CHD3: variants seen among roughly 807,000 people sequenced by gnomAD.
CHD3 encodes ATP-dependent chromatin remodeler CHD3.
A neutral mutation model predicts 248.9 loss-of-function variants in CHD3; 52 were observed. The observed-to-expected ratio is 0.21, with a 90% CI of 0.17 to 0.26. The LOEUF (loss-of-function observed/expected upper bound fraction) is 0.26, where lower values mean the gene tolerates loss of function less well. Among genes scored for constraint, CHD3 ranks in the 10% least tolerant of loss-of-function variants. The pLI is 1.00. For missense variants in CHD3, 1,482 were observed against 2,605.8 expected (o/e 0.57, Z 9.39); for synonymous variants, 985 against 985.2 (o/e 1.00, Z 0.00).
chr17:7,892,536 C>T (rs1298716446), intron 4 of CHD3, among the ~76,000 whole-genome samples: 3 of 131,088 alleles, frequency 2.3e-5, no homozygotes, highest in Non-Finnish European at 3.1e-5. Flanking sequence ...CTCACTCTGT[C>T]GCCAGGCTGG....
Position 7,905,951 on chromosome 17 carries a change from G to A in CHD3, c.4320G>A (p.Leu1440=). 1 of 1,614,178 alleles carries A rather than the reference G, an allele frequency of 6.2e-7. No homozygotes were observed. Among genetic ancestry groups the A allele is most frequent in the Non-Finnish European group, 8.5e-7 (1 of 1,180,026 alleles). The part of the protein sequence containing the change: ...PPQDAFTTQW[L]VRDLRGKTEK... The stretch of plus-strand genomic sequence containing the variant: ...AGGATGCCTTCACCACACAGTGGCT[G>A]GTGCGGGACCTGAGGGGCAAGACTG... The change falls in exon 28 of 40, where the codon CTG becomes CTA. Residue 1440 remains leucine, a synonymous_variant. Coordinates refer to ENST00000330494, the MANE Select transcript of CHD3 (RefSeq NM_001005273.3). The surrounding 1 kb of genome is among the most constrained non-coding windows in gnomAD (Gnocchi z 5.8).
At chr17:7,891,112 G>T in intron 4 of CHD3, 48 bp downstream of exon 4, 1 of 1,604,494 alleles carries the variant, frequency 6.2e-7, no homozygotes, top group Non-Finnish European at 8.5e-7. Flanking sequence ...TTTAATTTGA[G>T]GGAGGTCCTG....
Position 7,894,133 on chromosome 17 carries a change from G to A in CHD3, c.943G>A (p.Glu315Lys), listed in dbSNP as rs759396604. 5.6e-6 allele frequency: 9 copies of A among 1,612,624 alleles called. No homozygotes were observed. The highest frequency in any genetic ancestry group is 5.5e-5 in the South Asian group (5 of 91,000). ...TGGGCAGTATGTTTTTCAGAGCGAC[G>A]AAGGTCCTGAACCAGAGGCTGAGGA... ...KGGSYVFQSD[E>K]GPEPEAEESD... is the part of the protein sequence containing the mutation. The change falls in exon 7 of 40, where the codon GAA becomes AAA. Residue 315 changes from glutamate to lysine, a missense_variant. Glu to Lys is a moderately conservative substitution (Grantham distance 56). This residue lies in a region of CHD3 where 149 missense variants were observed against 182.6 expected (regional missense o/e 0.82). Coordinates refer to ENST00000330494, the MANE Select transcript of CHD3 (RefSeq NM_001005273.3).
Position 7,897,098 on chromosome 17 carries a change from T to G in CHD3, c.1723T>G (p.Leu575Val). 1 of 1,614,154 alleles carries G rather than the reference T, an allele frequency of 6.2e-7. No homozygotes were observed. Among genetic ancestry groups the G allele is most frequent in the Non-Finnish European group, 8.5e-7 (1 of 1,179,992 alleles). ...AKELQLEIFH[L>V]VMYRNYQRKN... Reference sequence around the variant, plus strand: ...GCCCTGCTAGCTGGAAATCTTCCATTTGGTTATGTATCGAAACTACCAGCG... The same window carrying G: ...GCCCTGCTAGCTGGAAATCTTCCATGTGGTTATGTATCGAAACTACCAGCG... The change falls in exon 11 of 40, where the codon TTG becomes GTG. Residue 575 changes from leucine to valine, a missense_variant. Transcript: ENST00000330494. The surrounding 1 kb of genome is among the most constrained non-coding windows in gnomAD (Gnocchi z 4.8).
At position 7,905,229 on chromosome 17, in the gene CHD3, C is replaced by A; in HGVS notation, c.4138+64C>A. The stretch of plus-strand genomic sequence containing the variant: ...GTTTTATTTTCCAGTTTGCTTTAAG[C>A]CCACTGTTTTTATACAAGTAAAAAA... On this transcript the variant is annotated intron_variant, in intron 26 of 39. Coordinates refer to ENST00000330494, the MANE Select transcript of CHD3 (RefSeq NM_001005273.3). The surrounding 1 kb of genome is among the most constrained non-coding windows in gnomAD (Gnocchi z 5.8). 6.7e-7 allele frequency: 1 copy of A among 1,487,178 alleles called. No homozygotes were observed. Among genetic ancestry groups the A allele is most frequent in the Non-Finnish European group, 9.4e-7 (1 of 1,064,634 alleles). 92.1% of individuals were successfully genotyped at this position (1,487,178 alleles called of 1,614,324 possible). A position where few individuals can be genotyped will look rare whatever the true frequency, so the allele number is the denominator to read the frequency against.
At position 7,910,564 on chromosome 17, in the gene CHD3, C is replaced by G; in HGVS notation, c.5727C>G (p.Ser1909Arg). 1 of 1,611,780 alleles carries G rather than the reference C, an allele frequency of 6.2e-7. No homozygotes were observed. Among genetic ancestry groups the G allele is most frequent in the Non-Finnish European group, 8.5e-7 (1 of 1,179,994 alleles). ...GCAGCATCCTCAGCCGGCTGGCCAG[C>G]AAGGGCACGGAGCCTCACCCCACAC... ...SERSILSRLASKGTEPHPTPA... is the reference protein window; with the variant it reads ...SERSILSRLARKGTEPHPTPA... The change falls in exon 38 of 40, where the codon AGC (serine) becomes AGG (arginine). Residue 1909 changes from serine to arginine, a missense_variant. Physicochemically the swap from Ser to Arg is moderately radical, Grantham distance 110. Transcript: ENST00000330494. The surrounding 1 kb of genome is among the most constrained non-coding windows in gnomAD (Gnocchi z 4.7).
Position 7,908,261 on chromosome 17 carries a change from C to T in CHD3, c.5153-141C>T. 2.4e-6 allele frequency: 2 copies of T among 839,288 alleles called. No homozygotes were observed. The highest frequency in any genetic ancestry group is 3.7e-6 in the Non-Finnish European group (2 of 540,412). The allele number at this position is 839,288 out of a possible 1,614,324, so 52.0% of individuals were successfully genotyped here. A position where few individuals can be genotyped will look rare whatever the true frequency, so the allele number is the denominator to read the frequency against. ...GAACCTGGTTAGAACTGAGTTTGTT[C>T]CAAACCTAACCTTTACCCATTCCTC... is the stretch of plus-strand genomic sequence containing the variant. On this transcript the variant is annotated intron_variant, in intron 34 of 39. Coordinates refer to ENST00000330494, the MANE Select transcript of CHD3 (RefSeq NM_001005273.3). The surrounding 1 kb of genome is among the most constrained non-coding windows in gnomAD (Gnocchi z 5.8).
intron 12 of CHD3, 31 bp from the exon 13 acceptor site, chr17:7,898,465 G>A (rs1481300980): frequency 6.6e-7 from 1 of 1,513,728 alleles, no homozygotes; most frequent in Non-Finnish European, 9.2e-7. Context: ...TCCCAAGGAT[G>A]AGGCCTCATT....
intron 10 of CHD3, among the ~76,000 whole-genome samples, chr17:7,896,408 AT>A (rs199832347): frequency 0.21 from 25,047 of 120,982 alleles, 2,293 homozygotes; most frequent in East Asian, 0.4. Flanking sequence ...TTTTTTTTCT[AT>A]TTTTTTTTTT....
At chr17:7,884,833 G>C, upstream of CHD3, 3 of 978,276 alleles carry the variant, frequency 3.1e-6, no homozygotes, top group East Asian at 3.3e-5. Flanking sequence ...GGGACGAGGA[G>C]GAGGAGGAGG....
rs551728877 is a variant in CHD3 at position 7,909,086 on chromosome 17, G to T, written c.5395-57G>T. ...GTCTCTTGCTATGTCCGCCCCCCCA[G>T]CCCCTCACCCACTGCTGGCAGAGCC... On this transcript the variant is annotated intron_variant, in intron 36 of 39. Coordinates refer to ENST00000330494, the MANE Select transcript of CHD3 (RefSeq NM_001005273.3). The surrounding 1 kb of genome is among the most constrained non-coding windows in gnomAD (Gnocchi z 8.1). 574 of 1,546,534 alleles carry T rather than the reference G, an allele frequency of 3.7e-4. 2 individuals carry two copies. The Middle Eastern group carries it at 6.2e-3, about 17-fold the overall frequency.
Position 7,889,383 on chromosome 17 carries a change from A to G in CHD3, c.101-281A>G, listed in dbSNP as rs113727925. On this transcript the variant is annotated intron_variant, in intron 1 of 39. Transcript: ENST00000330494. This position sits in a 1 kb window ranked among gnomAD's most constrained non-coding sequence, Gnocchi z 4.5. The stretch of plus-strand genomic sequence containing the variant: ...GTGACTGAAAGGACCTGCCACAGTC[A>G]GAGCCCATGGCCTGGAGCCTGGTCT... 2.0e-5 allele frequency among the ~76,000 whole-genome samples: 3 copies of G among 152,378 alleles called. No homozygotes were observed. The highest frequency in any genetic ancestry group is 4.8e-5 in the African/African-American group (2 of 41,586).
At chr17:7,898,892 C>G in intron 13 of CHD3, 119 bp from the exon 14 acceptor site, 1 of 925,016 alleles carries the variant, frequency 1.1e-6, no homozygotes, top group East Asian at 2.4e-5. Context: ...CTTTTGTAAA[C>G]TCAGGCCATA....
chr17:7,898,490 T>C lies in CHD3; in HGVS notation c.2052-6T>C, dbSNP rs1969948843. On this transcript the variant is annotated splice_polypyrimidine_tract_variant and splice_region_variant and intron_variant, in intron 12 of 39. Coordinates refer to ENST00000330494, the MANE Select transcript of CHD3 (RefSeq NM_001005273.3). ...GAGGCCTCATTCAGACCCACTCTTT[T>C]TCCAGAGAACTAATTATGGGGGAAG... 6.2e-7 allele frequency: 1 copy of C among 1,610,968 alleles called. No individual in the cohort carries two copies. The highest frequency in any genetic ancestry group is 1.1e-5 in the South Asian group (1 of 90,904).
rs1322693770 is a variant in CHD3, at chr17:7,901,230, TC to T, written c.3121-12del. On this transcript the variant is annotated splice_polypyrimidine_tract_variant and intron_variant, in intron 19 of 39. Coordinates refer to ENST00000330494, the MANE Select transcript of CHD3 (RefSeq NM_001005273.3). ...CAACTGACCCCCTCCTCCTCCTCTC[TC>T]CTCCCTTTTCAGGAGTCCCCCAAAC... The T allele has an allele frequency of 1.3e-6, 2 of 1,588,818 alleles. No individual in the cohort carries two copies. The highest frequency in any genetic ancestry group is 2.7e-5 in the African/African-American group (2 of 74,106).
chr17:7,885,104 C>T (rs1186417450), upstream of CHD3: 36 of 982,642 alleles, frequency 3.7e-5, no homozygotes, highest in Non-Finnish European at 4.1e-5. Flanking sequence ...GCCCCGACTC[C>T]CCCCCCAAGC....
rs750752143 is a variant in CHD3 at position 7,911,438 on chromosome 17, T to G, written c.5882-26T>G. 3 of 1,614,104 alleles carry G rather than the reference T, an allele frequency of 1.9e-6. No homozygotes were observed. In the South Asian group the frequency reaches 3.3e-5, roughly 18 times the overall value. On this transcript the variant is annotated intron_variant, in intron 39 of 39. Transcript: ENST00000330494. The surrounding 1 kb of genome is among the most constrained non-coding windows in gnomAD (Gnocchi z 5.4). ...CGTTTGAGAGTGATCTGGAGATTGATCTTTCCTTACCCCTTTCCCAAACAG... is the reference window on the plus strand; with the variant it reads ...CGTTTGAGAGTGATCTGGAGATTGAGCTTTCCTTACCCCTTTCCCAAACAG...
rs939661579 is a variant in CHD3, at chr17:7,904,862, T to C, written c.4073-238T>C. 6.6e-6 allele frequency among the ~76,000 whole-genome samples: 1 copy of C among 151,606 alleles called. No homozygotes were observed. ...GGACACCCAGGGCCATTGCTTAGAG[T>C]AGGTTTTGCAGGAGAAGCAGAGGGG... On this transcript the variant is annotated intron_variant, in intron 25 of 39. Coordinates refer to ENST00000330494, the MANE Select transcript of CHD3 (RefSeq NM_001005273.3). This position sits in a 1 kb window ranked among gnomAD's most constrained non-coding sequence, Gnocchi z 4.4.
At position 7,897,028 on chromosome 17, in the gene CHD3, T is replaced by C; in HGVS notation, c.1708-55T>C. Reference sequence around the variant, plus strand: ...CTGCCGGCCTCTTCCCGGTTCCTTGTTGTCCTCTGTGAGTGTCAGGACTAT... The same window carrying C: ...CTGCCGGCCTCTTCCCGGTTCCTTGCTGTCCTCTGTGAGTGTCAGGACTAT... On this transcript the variant is annotated intron_variant, in intron 10 of 39. Coordinates refer to ENST00000330494, the MANE Select transcript of CHD3 (RefSeq NM_001005273.3). The surrounding 1 kb of genome is among the most constrained non-coding windows in gnomAD (Gnocchi z 4.8). The C allele has an allele frequency of 2.0e-6, 3 of 1,470,212 alleles. No individual in the cohort carries two copies. Among genetic ancestry groups the C allele is most frequent in the Non-Finnish European group, 2.9e-6 (3 of 1,050,388 alleles). 91.1% of individuals were successfully genotyped at this position (1,470,212 alleles called of 1,614,324 possible).
Sources: allele counts gnomAD v4.1 joint callset (sites outside exome capture counted in the v4.1 genomes callset), GRCh38; gene constraint gnomAD v4.1.1; regional missense constraint gnomAD v4.1.1; non-coding constraint Gnocchi (gnomAD v3.1); transcripts MANE v1.5; gene names NCBI Gene and HGNC (gene_info 2026-07-23, HGNC 2026-07-21).